The following ZNF8 variants were observed in gnomAD, a reference collection of about 807,000 sequenced individuals.
ZNF8 encodes the protein zinc finger protein 8.
Under a neutral mutation model 12.2 loss-of-function variants are expected in ZNF8, and 9 were observed. The observed-to-expected ratio is 0.73, with a 90% CI of 0.44 to 1.28. The LOEUF is 1.28. ZNF8 is among the 50% of genes most tolerant of loss of function. The pLI is 0.00. For synonymous variants in ZNF8, 274 were observed against 282.3 expected (o/e 0.97, Z 0.30); for missense variants, 664 against 729.1 (o/e 0.91, Z 1.03).
In ZNF8 at chr19:58,298,446, C is replaced by G. The variant is rs2147963497; in HGVS notation, c.*2910C>G. ...TTCAAGCAGTTCTCATGCTTCAGCC[C>G]TCTAAGTAGCTGGGATGACAGGTGT... is the stretch of plus-strand genomic sequence containing the variant. On this transcript the variant is annotated 3_prime_UTR_variant, in exon 4 of 4. Transcript: ENST00000621650. The G allele has an allele frequency of 6.6e-6, 1 of 152,296 alleles. No individual in the cohort carries two copies. Among genetic ancestry groups the G allele is most frequent in the Admixed American group, 6.5e-5 (1 of 15,288 alleles). The allele number at this position is 152,296 out of a possible 1,614,324, so 9.4% of individuals were successfully genotyped here.
intron 1 of ZNF8, among the ~76,000 whole-genome samples, chr19:58,283,172 A>G (rs1048313413): frequency 5.9e-5 from 9 of 151,294 alleles, no homozygotes; most frequent in Non-Finnish European, 1.0e-4. Flanking sequence ...GGGTTTTACC[A>G]TGTTGCCCAG....
rs752609221 is a variant in ZNF8 at position 58,294,216 on chromosome 19, G to A, written c.408G>A (p.Thr136=). Residue 136 remains threonine, a synonymous_variant, in exon 4 of 4, where the codon ACG becomes ACA. Transcript: ENST00000621650. The surrounding 1 kb of genome is among the most constrained non-coding windows in gnomAD (Gnocchi z 5.5). ...CGACAGATGCTCCTTATCCCACCAC[G>A]TTAGGGAAAGACAGGGAGTGTCAGA... ...GFPTDAPYPT[T]LGKDRECQSQ... is the part of the protein sequence containing the mutation. 32 of 1,614,034 alleles carry A rather than the reference G, an allele frequency of 2.0e-5. No individual in the cohort carries two copies. Among genetic ancestry groups the A allele is most frequent in the Admixed American group, 8.3e-5 (5 of 59,982 alleles).
In ZNF8 at chr19:58,285,809, G is replaced by A. The variant is rs773903164; in HGVS notation, c.159G>A (p.Val53=). The A allele has an allele frequency of 6.2e-7, 1 of 1,613,800 alleles. No individual in the cohort carries two copies. Among genetic ancestry groups the A allele is most frequent in the Admixed American group, 1.7e-5 (1 of 59,988 alleles). ...CCCAGAGGATCCTCTACCGTGACGT[G>A]ATGCTGGAGACCTTTGGTCACCTGC... ...DPTQRILYRD[V]MLETFGHLLS... Residue 53 remains valine, a synonymous_variant, in exon 2 of 4, where the codon GTG becomes GTA. Transcript: ENST00000621650.
Position 58,295,759 on chromosome 19 carries a change from C to T in ZNF8, c.*223C>T. Reference sequence around the variant, plus strand: ...TTGTGACATTCCTTCCATTACACCACAGTGAGTTCACAGGTAATATAACCT... The same window carrying T: ...TTGTGACATTCCTTCCATTACACCATAGTGAGTTCACAGGTAATATAACCT... On this transcript the variant is annotated 3_prime_UTR_variant, in exon 4 of 4. Coordinates refer to ENST00000621650, the MANE Select transcript of ZNF8 (RefSeq NM_021089.3). 1.9e-6 allele frequency: 1 copy of T among 530,060 alleles called. No homozygotes were observed. The highest frequency in any genetic ancestry group is 3.3e-6 in the Non-Finnish European group (1 of 302,024). 32.8% of individuals were successfully genotyped at this position (530,060 alleles called of 1,614,324 possible).
In ZNF8 at chr19:58,294,770, CTT is replaced by C; in HGVS notation, c.964_965del (p.Phe322LeufsTer3). The C allele has an allele frequency of 6.2e-7, 1 of 1,614,182 alleles. No individual in the cohort carries two copies. The highest frequency in any genetic ancestry group is 8.5e-7 in the Non-Finnish European group (1 of 1,180,040). On this transcript the variant is annotated frameshift_variant, in exon 4 of 4. Coordinates refer to ENST00000621650, the MANE Select transcript of ZNF8 (RefSeq NM_021089.3). LOFTEE classifies it low-confidence loss of function (END_TRUNC). This position sits in a 1 kb window ranked among gnomAD's most constrained non-coding sequence, Gnocchi z 5.5. ...TACAAGTGTGCCGAATGTGGGAAGT[CTT>C]TCTGCCATAGTACACACCTTACCGT...
In ZNF8 at chr19:58,300,674, T is replaced by C. The variant is rs1371431706; in HGVS notation, c.*5138T>C. ...TTGGGAGAATTGCTTGTGCTCCCTATTCCCTTGGTGGATGATGGAGGCAGC... is the reference window on the plus strand; with the variant it reads ...TTGGGAGAATTGCTTGTGCTCCCTACTCCCTTGGTGGATGATGGAGGCAGC... On this transcript the variant is annotated 3_prime_UTR_variant, in exon 4 of 4. Coordinates refer to ENST00000621650, the MANE Select transcript of ZNF8 (RefSeq NM_021089.3). The C allele has an allele frequency of 6.6e-6, 1 of 151,992 alleles. No homozygotes were observed. Among genetic ancestry groups the C allele is most frequent in the Non-Finnish European group, 1.5e-5 (1 of 68,032 alleles). The allele number at this position is 151,992 out of a possible 1,614,324, so 9.4% of individuals were successfully genotyped here. A position where few individuals can be genotyped will look rare whatever the true frequency, so the allele number is the denominator to read the frequency against.
intron 3 of ZNF8, among the ~76,000 whole-genome samples, chr19:58,289,595 C>G (rs1014273106): frequency 1.3e-5 from 2 of 152,024 alleles, no homozygotes; most frequent in African/African-American, 2.4e-5. Context: ...TGACGGCGCC[C>G]AGAGAGAATG....
In ZNF8 at chr19:58,300,580, G is replaced by A. The variant is rs2051485822; in HGVS notation, c.*5044G>A. The stretch of plus-strand genomic sequence containing the variant: ...TAACCTCTGTGGTGGAGACAGGTGG[G>A]AGAGAAAAGTCCTGGGAAGTGGATG... On this transcript the variant is annotated 3_prime_UTR_variant, in exon 4 of 4. Coordinates refer to ENST00000621650, the MANE Select transcript of ZNF8 (RefSeq NM_021089.3). 6.6e-6 allele frequency: 1 copy of A among 152,248 alleles called. No individual in the cohort carries two copies. The highest frequency in any genetic ancestry group is 1.5e-5 in the Non-Finnish European group (1 of 68,054). 9.4% of individuals were successfully genotyped at this position (152,248 alleles called of 1,614,324 possible).
intron 3 of ZNF8, among the ~76,000 whole-genome samples, chr19:58,293,009 T>A (rs1461974033): frequency 6.6e-6 from 1 of 151,428 alleles, no homozygotes; most frequent in South Asian, 2.1e-4. Flanking sequence ...AGTGCAGTGG[T>A]GTGATTTTGG....
At chr19:58,279,254 C>G (rs1469424236) in intron 1 of ZNF8, 107 bp downstream of exon 1, 1 of 1,527,510 alleles carries the variant, frequency 6.5e-7, no homozygotes, top group Non-Finnish European at 8.8e-7. Flanking sequence ...GCTGTTAATG[C>G]CCTTGACACG....
At position 58,286,283 on chromosome 19, in the gene ZNF8, G is replaced by A. The variant is rs536895800; in HGVS notation, c.289+78G>A. On this transcript the variant is annotated intron_variant, in intron 3 of 3. Transcript: ENST00000621650. The stretch of plus-strand genomic sequence containing the variant: ...GGAGATGCACTTCATGGAAAGGGTG[G>A]TGGTTGGTGGTCCTGAAGACCACCC... 10 of 1,316,510 alleles carry A rather than the reference G, an allele frequency of 7.6e-6. No individual in the cohort carries two copies. The Admixed American group carries it at 9.7e-5, about 13-fold the overall frequency. 81.6% of individuals were successfully genotyped at this position (1,316,510 alleles called of 1,614,324 possible). A position where few individuals can be genotyped will look rare whatever the true frequency, so the allele number is the denominator to read the frequency against.
chr19:58,282,632 AT>A (rs775877918), intron 1 of ZNF8, among the ~76,000 whole-genome samples: 32 of 147,876 alleles, frequency 2.2e-4, no homozygotes, highest in Admixed American at 4.1e-4. Context: ...ATTTAATTTA[AT>A]TTTTTTTTTT....
chr19:58,285,989 G>A (rs2051380706), intron 2 of ZNF8, 121 bp from the exon 3 acceptor site: 5 of 1,408,294 alleles, frequency 3.6e-6, no homozygotes, highest in Non-Finnish European at 2.9e-6. Context: ...TCACCATGCA[G>A]AGCTTCACCA....
At chr19:58,281,377 C>T (rs2051349694) in intron 1 of ZNF8, among the ~76,000 whole-genome samples, 1 of 152,046 alleles carries the variant, frequency 6.6e-6, no homozygotes, top group African/African-American at 2.4e-5. Flanking sequence ...TCCAGAAGTG[C>T]AAGACAAGAG....
intron 1 of ZNF8, among the ~76,000 whole-genome samples, chr19:58,284,931 C>T (rs2051373504): frequency 2.0e-5 from 3 of 152,096 alleles, no homozygotes; most frequent in African/African-American, 7.2e-5. Flanking sequence ...ACAAAGGGAC[C>T]TGTATTTTCC....
Position 58,295,754 on chromosome 19 carries a change from C to T in ZNF8, c.*218C>T. 1.9e-6 allele frequency: 1 copy of T among 539,480 alleles called. No individual in the cohort carries two copies. The highest frequency in any genetic ancestry group is 3.3e-6 in the Non-Finnish European group (1 of 307,622). The allele number at this position is 539,480 out of a possible 1,614,324, so 33.4% of individuals were successfully genotyped here. A position where few individuals can be genotyped will look rare whatever the true frequency, so the allele number is the denominator to read the frequency against. ...ATATTTTGTGACATTCCTTCCATTACACCACAGTGAGTTCACAGGTAATAT... is the reference window on the plus strand; with the variant it reads ...ATATTTTGTGACATTCCTTCCATTATACCACAGTGAGTTCACAGGTAATAT... On this transcript the variant is annotated 3_prime_UTR_variant, in exon 4 of 4. Coordinates refer to ENST00000621650, the MANE Select transcript of ZNF8 (RefSeq NM_021089.3).
intron 1 of ZNF8, chr19:58,280,261 G>T (rs981971476): frequency 9.8e-6 from 2 of 204,586 alleles, no homozygotes; most frequent in African/African-American, 4.8e-5. Context: ...GAGTCTGGAG[G>T]ATCCACCTCC....
Position 58,286,134 on chromosome 19 carries a change from T to C in ZNF8, c.218T>C (p.Val73Ala). The change falls in exon 3 of 4, where the codon GTC (valine) becomes GCC (alanine). Residue 73 changes from valine to alanine, a missense_variant. Transcript: ENST00000621650. ...GGTCCTGAGCTTCCGAAGCCTGAAG[T>C]CATCTCCCAGCTGGAGCAAGGGACC... ...SIGPELPKPE[V>A]ISQLEQGTEL... The C allele has an allele frequency of 6.2e-7, 1 of 1,614,100 alleles. No individual in the cohort carries two copies. Among genetic ancestry groups the C allele is most frequent in the Non-Finnish European group, 8.5e-7 (1 of 1,180,026 alleles).
chr19:58,294,609 C>G lies in ZNF8; in HGVS notation c.801C>G (p.Asn267Lys). The stretch of plus-strand genomic sequence containing the variant: ...GTACTGACTGTGGGAAGTCGTTTAA[C>G]CATAACGCACACCTCACCGTGCACA... ...YKCTDCGKSF[N>K]HNAHLTVHKR... The change falls in exon 4 of 4, where the codon AAC (asparagine) becomes AAG (lysine). Residue 267 changes from asparagine to lysine, a missense_variant. By Grantham distance (94) the Asn-to-Lys change is moderately conservative. Transcript: ENST00000621650. This position sits in a 1 kb window ranked among gnomAD's most constrained non-coding sequence, Gnocchi z 5.5. 6.2e-7 allele frequency: 1 copy of G among 1,614,108 alleles called. No individual in the cohort carries two copies. Among genetic ancestry groups the G allele is most frequent in the Non-Finnish European group, 8.5e-7 (1 of 1,180,032 alleles).
Sources: allele counts gnomAD v4.1 joint callset (sites outside exome capture counted in the v4.1 genomes callset), GRCh38; gene constraint gnomAD v4.1.1; non-coding constraint Gnocchi (gnomAD v3.1); transcripts MANE v1.5; gene names NCBI Gene and HGNC (gene_info 2026-07-23, HGNC 2026-07-21).